The following SCFD1 variants were observed in gnomAD, a reference collection of about 807,000 sequenced individuals.
SCFD1 encodes the protein sec1 family domain containing 1, also known as sec1 family domain-containing protein 1.
Under a neutral mutation model 103.2 loss-of-function variants are expected in SCFD1, and 37 were observed. That is an observed-to-expected ratio of 0.36 (90% CI 0.28 to 0.47). SCFD1 has a LOEUF of 0.47. Among genes scored for constraint, SCFD1 ranks in the 20% least tolerant of loss-of-function variants. SCFD1 has a pLI of 1.00. For synonymous variants in SCFD1, 264 were observed against 245.0 expected (o/e 1.08, Z -0.73); for missense variants, 639 against 761.2 (o/e 0.84, Z 1.89).
At position 30,640,046 on chromosome 14, in the gene SCFD1, G is replaced by A. The variant is rs546252016; in HGVS notation, c.523+182G>A. Among the ~76,000 whole-genome samples the A allele has an allele frequency of 8.5e-5, 13 of 152,214 alleles. No individual in the cohort carries two copies. In the South Asian group the frequency reaches 2.5e-3, roughly 29 times the overall value. ...AGACTGAATTTTATTACATTTAAACGTTTAATAAACCTGTTTTGTAAATTC... is the reference window on the plus strand; with the variant it reads ...AGACTGAATTTTATTACATTTAAACATTTAATAAACCTGTTTTGTAAATTC... On this transcript the variant is annotated intron_variant, in intron 6 of 24. Coordinates refer to ENST00000458591, the MANE Select transcript of SCFD1 (RefSeq NM_016106.4).
chr14:30,667,730 G>A lies in SCFD1; in HGVS notation c.856-2526G>A, dbSNP rs141315737. On this transcript the variant is annotated intron_variant, in intron 10 of 24. Transcript: ENST00000458591. The stretch of plus-strand genomic sequence containing the variant: ...AAGTCTCAGGATACAAAATCAATGT[G>A]CAAAAATCACAAGCATTCTTATACG... Among the ~76,000 whole-genome samples the A allele has an allele frequency of 3.6e-3, 542 of 152,252 alleles. 4 individuals carry two copies. The highest frequency in any genetic ancestry group is 0.012 in the African/African-American group (516 of 41,534).
chr14:30,703,364 T>C (rs1204034711), intron 17 of SCFD1, among the ~76,000 whole-genome samples: 1 of 149,814 alleles, frequency 6.7e-6, no homozygotes, highest in Non-Finnish European at 1.5e-5. Flanking sequence ...ACAGTTATGA[T>C]CCCTGTTTAT....
chr14:30,640,071 C>T (rs973668016), intron 6 of SCFD1, among the ~76,000 whole-genome samples: 2 of 152,102 alleles, frequency 1.3e-5, no homozygotes, highest in African/African-American at 4.8e-5. Context: ...TTTGTAAATT[C>T]AAAGAAGTAC....
chr14:30,708,473 G>C (rs1891632699), intron 19 of SCFD1, among the ~76,000 whole-genome samples: 1 of 152,050 alleles, frequency 6.6e-6, no homozygotes, highest in Non-Finnish European at 1.5e-5. Flanking sequence ...GTGTATTTAA[G>C]ACTCTGAGGG....
chr14:30,720,557 A>C (rs1461051884), intron 21 of SCFD1, among the ~76,000 whole-genome samples: 1 of 152,054 alleles, frequency 6.6e-6, no homozygotes, highest in Non-Finnish European at 1.5e-5. Flanking sequence ...GTTCGAAAAT[A>C]TTTGGGGGGA....
At chr14:30,663,858 G>C (rs903010586) in intron 10 of SCFD1, among the ~76,000 whole-genome samples, 1 of 152,148 alleles carries the variant, frequency 6.6e-6, no homozygotes, top group African/African-American at 2.4e-5. Context: ...TCTTGAATGG[G>C]AATTTTATTA....
intron 10 of SCFD1, among the ~76,000 whole-genome samples, chr14:30,667,679 C>T (rs900668986): frequency 3.9e-5 from 6 of 152,188 alleles, no homozygotes; most frequent in African/African-American, 1.2e-4. Flanking sequence ...CCCAGAATCT[C>T]CTTAAGCTGA....
At chr14:30,692,290 C>T (rs1890370950) in intron 14 of SCFD1, among the ~76,000 whole-genome samples, 1 of 152,130 alleles carries the variant, frequency 6.6e-6, no homozygotes, top group South Asian at 2.1e-4. Context: ...ATTAATTAAA[C>T]ATGCTCTAAG....
chr14:30,673,861 GT>G, intron 12 of SCFD1, 62 bp from the exon 13 acceptor site: 1 of 1,131,050 alleles, frequency 8.8e-7, no homozygotes, highest in South Asian at 1.2e-5. Flanking sequence ...CTTAGGATGT[GT>G]TGATTTTTAT....
In SCFD1 at chr14:30,639,767, T is replaced by C. The variant is rs768816874; in HGVS notation, c.436-10T>C. The C allele has an allele frequency of 6.4e-7, 1 of 1,563,364 alleles. No homozygotes were observed. The highest frequency in any genetic ancestry group is 8.6e-7 in the Non-Finnish European group (1 of 1,156,714). On this transcript the variant is annotated splice_polypyrimidine_tract_variant and intron_variant, in intron 5 of 24. Transcript: ENST00000458591. ...AAGATTGATTTGTAAACCTTTTCTT[T>C]TGTTTCTAGGTTTTTGACCAATATC...
Position 30,624,916 on chromosome 14 carries a change from A to G in SCFD1, c.61+2517A>G, listed in dbSNP as rs567098082. On this transcript the variant is annotated intron_variant, in intron 1 of 24. Coordinates refer to ENST00000458591, the MANE Select transcript of SCFD1 (RefSeq NM_016106.4). ...GAGTACTGTTTCAGAGATAATCTCC[A>G]TGGCTCACTCCCTCACTTCCTTTAG... 7.2e-5 allele frequency among the ~76,000 whole-genome samples: 11 copies of G among 152,120 alleles called. No individual in the cohort carries two copies. In the South Asian group the frequency reaches 1.9e-3, roughly 26 times the overall value.
At chr14:30,652,320 G>A (rs970920220) in intron 9 of SCFD1, 2 of 151,972 alleles carry the variant, frequency 1.3e-5, no homozygotes, top group Admixed American at 6.6e-5. Context: ...ATTTGCTTTC[G>A]GTGGTACTTT....
chr14:30,713,932 A>G (rs1892075904), intron 19 of SCFD1, among the ~76,000 whole-genome samples: 2 of 152,196 alleles, frequency 1.3e-5, no homozygotes, highest in Non-Finnish European at 2.9e-5. Flanking sequence ...TCTTTTGGAT[A>G]AAGCATTTTA....
chr14:30,713,945 A>G (rs1892076823), intron 19 of SCFD1, among the ~76,000 whole-genome samples: 1 of 152,284 alleles, frequency 6.6e-6, no homozygotes, highest in African/African-American at 2.4e-5. Flanking sequence ...GCATTTTAAA[A>G]TCTTTATTTA....
intron 1 of SCFD1, among the ~76,000 whole-genome samples, chr14:30,624,704 A>G (rs1021649424): frequency 1.2e-4 from 18 of 152,294 alleles, no homozygotes; most frequent in South Asian, 2.1e-4. Flanking sequence ...TGTTTGCTCA[A>G]AATCTTCCAG....
At chr14:30,640,820 G>T (rs182379776) in intron 6 of SCFD1, among the ~76,000 whole-genome samples, 1 of 151,788 alleles carries the variant, frequency 6.6e-6, no homozygotes, top group Non-Finnish European at 1.5e-5. Context: ...CTAAATATTC[G>T]TATACTTATA....
intron 22 of SCFD1, 101 bp downstream of exon 22, chr14:30,722,018 G>A: frequency 2.5e-6 from 2 of 790,102 alleles, no homozygotes; most frequent in South Asian, 3.4e-5. Flanking sequence ...GATGATTAGT[G>A]TATGATAATT....
chr14:30,731,025 G>A (rs1359687477), intron 23 of SCFD1, among the ~76,000 whole-genome samples: 1 of 152,146 alleles, frequency 6.6e-6, no homozygotes, highest in East Asian at 1.9e-4. Context: ...ATTAATTTTT[G>A]TATAGGGTGT....
chr14:30,673,328 AACG>A lies in SCFD1; in HGVS notation c.1070_1072del (p.Arg357del). ...TACAGAGCACAGGAAGATGAGGTCA[AACG>A]ACTTAAAAGCATTATGGTAAGATTC... On this transcript the variant is annotated inframe_deletion, in exon 12 of 25. Transcript: ENST00000458591. 1 of 1,565,440 alleles carries A rather than the reference AACG, an allele frequency of 6.4e-7. No individual in the cohort carries two copies. Among genetic ancestry groups the A allele is most frequent in the Non-Finnish European group, 8.8e-7 (1 of 1,141,954 alleles).
Sources: gnomAD v4.1 joint callset for allele counts (sites outside exome capture counted in the v4.1 genomes callset) on GRCh38, gnomAD v4.1.1 for gene constraint, MANE v1.5 for transcripts, NCBI Gene and HGNC (gene_info 2026-07-23, HGNC 2026-07-21) for gene names.